RGS9: variants seen among roughly 807,000 people sequenced by gnomAD.
RGS9 encodes regulator of G protein signaling 9, also known as regulator of G-protein signalling 9.
Under a neutral mutation model 102.0 loss-of-function variants are expected in RGS9, and 78 were observed. The ratio of observed to expected loss-of-function variants is 0.76; its 90% CI spans 0.64 to 0.92. RGS9 has a LOEUF of 0.92. Among genes scored for constraint, RGS9 ranks in the 40% least tolerant of loss-of-function variants. The pLI, the probability that RGS9 is intolerant of heterozygous loss-of-function variation, is 0.00. For missense variants in RGS9, 833 were observed against 866.1 expected (o/e 0.96, Z 0.48); for synonymous variants, 353 against 318.6 (o/e 1.11, Z -1.15).
chr17:65,183,294 T>A (rs2081672082), intron 9 of RGS9, among the ~76,000 whole-genome samples: 2 of 152,144 alleles, frequency 1.3e-5, no homozygotes, highest in Admixed American at 1.3e-4. Context: ...AGCTAATTTT[T>A]ATATTTTTAG....
At chr17:65,142,697 C>T (rs1417279265) in intron 1 of RGS9, among the ~76,000 whole-genome samples, 2 of 151,812 alleles carry the variant, frequency 1.3e-5, no homozygotes, top group African/African-American at 2.4e-5. Flanking sequence ...ATTCTCCTGC[C>T]TCAGCCTCCC....
At chr17:65,182,533 A>C (rs758044628) in intron 9 of RGS9, among the ~76,000 whole-genome samples, 8 of 152,254 alleles carry the variant, frequency 5.3e-5, no homozygotes, top group Non-Finnish European at 1.0e-4. Context: ...CCCACTCCAC[A>C]TCCTGCCTGA....
chr17:65,227,627 G>A lies in RGS9; in HGVS notation c.*220G>A. 1.7e-6 allele frequency: 1 copy of A among 605,600 alleles called. No homozygotes were observed. Among genetic ancestry groups the A allele is most frequent in the Non-Finnish European group, 2.9e-6 (1 of 343,040 alleles). The allele number at this position is 605,600 out of a possible 1,614,324, so 37.5% of individuals were successfully genotyped here. ...TTCCTGACCCTCCCTCCCCTGGGCA[G>A]AAGAAACGCATGTGGACCAGAAGAC... On this transcript the variant is annotated 3_prime_UTR_variant, in exon 19 of 19. Coordinates refer to ENST00000262406, the MANE Select transcript of RGS9 (RefSeq NM_003835.4).
intron 1 of RGS9, among the ~76,000 whole-genome samples, chr17:65,152,221 A>C (rs1229433496): frequency 6.6e-6 from 1 of 152,188 alleles, no homozygotes; most frequent in African/African-American, 2.4e-5. Flanking sequence ...GGTAGAGGGA[A>C]GAGCCAGAAC....
Position 65,225,258 on chromosome 17 carries a change from A to T in RGS9, c.1664A>T (p.Glu555Val). ...SMAPRGPSVT[E>V]SSEASLDTSW... Reference sequence around the variant, plus strand: ...GCCCCCCGTGGGCCCTCTGTCACCGAGAGCAGCGAGGCCTCCCTCGACACC... The same window carrying T: ...GCCCCCCGTGGGCCCTCTGTCACCGTGAGCAGCGAGGCCTCCCTCGACACC... Residue 555 changes from glutamate to valine, a missense_variant, in exon 18 of 19, where the codon GAG becomes GTG. By Grantham distance (121) the Glu-to-Val change is moderately radical. Coordinates refer to ENST00000262406, the MANE Select transcript of RGS9 (RefSeq NM_003835.4). The T allele has an allele frequency of 2.5e-6, 4 of 1,608,972 alleles. No individual in the cohort carries two copies. The highest frequency in any genetic ancestry group is 3.4e-6 in the Non-Finnish European group (4 of 1,179,906).
chr17:65,225,095 C>T lies in RGS9; in HGVS notation c.1501C>T (p.Arg501Cys), dbSNP rs371435445. 5.6e-6 allele frequency: 9 copies of T among 1,613,950 alleles called. No individual in the cohort carries two copies. Among genetic ancestry groups the T allele is most frequent in the African/African-American group, 2.7e-5 (2 of 75,056 alleles). The part of the protein sequence containing the change: ...SPSSPFSSSC[R>C]SPRKPFASPS... Reference sequence around the variant, plus strand: ...TTCTAGCCCCTTCTCCTCCTCCTGCCGCTCCCCCAGGAAGCCTTTCGCCTC... The same window carrying T: ...TTCTAGCCCCTTCTCCTCCTCCTGCTGCTCCCCCAGGAAGCCTTTCGCCTC... The change falls in exon 18 of 19, where the codon CGC becomes TGC. Residue 501 changes from arginine to cysteine, a missense_variant. Physicochemically the swap from Arg to Cys is radical, Grantham distance 180. Around this residue, in one of 3 missense-constraint regions of RGS9, gnomAD observed 320 missense variants for 276.8 expected, o/e 1.16. Coordinates refer to ENST00000262406, the MANE Select transcript of RGS9 (RefSeq NM_003835.4).
At chr17:65,201,476 C>T (rs1330584278) in intron 13 of RGS9, among the ~76,000 whole-genome samples, 2 of 152,220 alleles carry the variant, frequency 1.3e-5, no homozygotes, top group East Asian at 1.9e-4. Context: ...GGAGGAAGAA[C>T]TCACGCTCAG....
At position 65,193,106 on chromosome 17, in the gene RGS9, C is replaced by CAAAAAAAA. The variant is rs372675773; in HGVS notation, c.747-429_747-422dup. On this transcript the variant is annotated intron_variant, in intron 11 of 18. Coordinates refer to ENST00000262406, the MANE Select transcript of RGS9 (RefSeq NM_003835.4). ...CAAAACCCTATCTCTACCAAAAATACAAAAAAAAAAAAAAATTAGCCTGGC... is the reference window on the plus strand; with the variant it reads ...CAAAACCCTATCTCTACCAAAAATACAAAAAAAAAAAAAAAAAAAAAAATTAGCCTGGC... Among the ~76,000 whole-genome samples the CAAAAAAAA allele has an allele frequency of 4.0e-3, 525 of 131,128 alleles. 4 individuals are homozygous for CAAAAAAAA. Among genetic ancestry groups the CAAAAAAAA allele is most frequent in the African/African-American group, 0.014 (503 of 35,916 alleles). 86.0% of individuals were successfully genotyped at this position (131,128 alleles called of 152,430 possible). A position where few individuals can be genotyped will look rare whatever the true frequency, so the allele number is the denominator to read the frequency against.
At chr17:65,146,738 A>T (rs921874782) in intron 1 of RGS9, among the ~76,000 whole-genome samples, 1 of 151,682 alleles carries the variant, frequency 6.6e-6, no homozygotes, top group Non-Finnish European at 1.5e-5. Flanking sequence ...CTACTAAAAT[A>T]CAAAAAATTA....
intron 1 of RGS9, among the ~76,000 whole-genome samples, chr17:65,143,099 G>A (rs923055510): frequency 7.9e-5 from 12 of 152,030 alleles, no homozygotes; most frequent in Non-Finnish European, 2.9e-5. Context: ...TGGTTTGAAT[G>A]TGCAGTCAGG....
At chr17:65,210,743 T>G in intron 17 of RGS9, 138 bp downstream of exon 17, 1 of 1,450,818 alleles carries the variant, frequency 6.9e-7, no homozygotes, top group Non-Finnish European at 9.3e-7. Flanking sequence ...GAAGGTTCCA[T>G]TCCCCATTTG....
intron 12 of RGS9, among the ~76,000 whole-genome samples, chr17:65,195,290 T>C (rs1912541116): frequency 6.6e-6 from 1 of 151,964 alleles, no homozygotes; most frequent in African/African-American, 2.4e-5. Context: ...ATGGGGAGCA[T>C]GGTATTGAAG....
chr17:65,181,465 G>A (rs1911881522), intron 9 of RGS9, among the ~76,000 whole-genome samples: 1 of 152,238 alleles, frequency 6.6e-6, no homozygotes, highest in Non-Finnish European at 1.5e-5. Flanking sequence ...AAGTCATTAG[G>A]TTGGCAGGTG....
intron 15 of RGS9, among the ~76,000 whole-genome samples, chr17:65,206,106 G>A (rs1195191644): frequency 6.6e-6 from 1 of 152,168 alleles, no homozygotes; most frequent in East Asian, 1.9e-4. Flanking sequence ...AGGTTTGTGT[G>A]AATGGTAAAT....
chr17:65,147,278 A>T (rs1447915798), intron 1 of RGS9, among the ~76,000 whole-genome samples: 1 of 152,198 alleles, frequency 6.6e-6, no homozygotes. Context: ...GAGTCCCTGG[A>T]GCTGCCTGGG....
chr17:65,158,340 G>T lies in RGS9; in HGVS notation c.200G>T (p.Ser67Ile), dbSNP rs943991750. ...ATCGTCCAGCGGCTTTGGATCTCCA[G>T]TCTGGGTGAGAGCTCATCTGGCACT... is the stretch of plus-strand genomic sequence containing the variant. ...QWIVQRLWIS[S>I]LEAQNLGNFI... Residue 67 changes from serine to isoleucine, a missense_variant, in exon 3 of 19, where the codon AGT becomes ATT. Ser to Ile is a moderately radical substitution (Grantham distance 142, BLOSUM62 -2). Coordinates refer to ENST00000262406, the MANE Select transcript of RGS9 (RefSeq NM_003835.4). The T allele has an allele frequency of 1.2e-6, 2 of 1,613,998 alleles. No individual in the cohort carries two copies. Among genetic ancestry groups the T allele is most frequent in the Non-Finnish European group, 1.7e-6 (2 of 1,179,988 alleles).
intron 4 of RGS9, 43 bp downstream of exon 4, chr17:65,160,382 C>G: frequency 1.3e-6 from 2 of 1,572,140 alleles, no homozygotes; most frequent in Non-Finnish European, 1.8e-6. Flanking sequence ...TGGGGTTGAT[C>G]TCATTTGAAA....
chr17:65,213,582 G>C (rs1913386322), intron 17 of RGS9, among the ~76,000 whole-genome samples: 1 of 152,032 alleles, frequency 6.6e-6, no homozygotes, highest in South Asian at 2.1e-4. Context: ...TGGTGAGGGT[G>C]GTGGTGTGGG....
Position 65,225,269 on chromosome 17 carries a change from G to A in RGS9, c.1675G>A (p.Ala559Thr). The A allele has an allele frequency of 1.2e-6, 2 of 1,608,750 alleles. No individual in the cohort carries two copies. Among genetic ancestry groups the A allele is most frequent in the Non-Finnish European group, 8.5e-7 (1 of 1,179,904 alleles). ...RGPSVTESSE[A>T]SLDTSWPRSR... The stretch of plus-strand genomic sequence containing the variant: ...GCCCTCTGTCACCGAGAGCAGCGAG[G>A]CCTCCCTCGACACCTCCTGGCCTCG... Residue 559 changes from alanine to threonine, a missense_variant, in exon 18 of 19, where the codon GCC becomes ACC. Coordinates refer to ENST00000262406, the MANE Select transcript of RGS9 (RefSeq NM_003835.4).
Sources: gnomAD v4.1 joint callset for allele counts (sites outside exome capture counted in the v4.1 genomes callset) on GRCh38, gnomAD v4.1.1 for gene constraint, gnomAD v4.1.1 regional missense constraint, MANE v1.5 for transcripts, NCBI Gene and HGNC (gene_info 2026-07-23, HGNC 2026-07-21) for gene names.